MMEL1: variants seen among roughly 807,000 people sequenced by gnomAD.
MMEL1 encodes membrane metallo-endopeptidase-like 1.
MMEL1 carries 98 observed loss-of-function variants against 117.1 expected under a neutral mutation model. The ratio of observed to expected loss-of-function variants is 0.84; its 90% CI spans 0.71 to 0.99. The LOEUF is 0.99. Ranked by LOEUF, MMEL1 falls within the 50% of genes least tolerant of loss-of-function variation. The pLI, the probability that MMEL1 is intolerant of heterozygous loss-of-function variation, is 0.00. For synonymous variants in MMEL1, 390 were observed against 415.1 expected (o/e 0.94, Z 0.74); for missense variants, 1,014 against 1,049.1 (o/e 0.97, Z 0.46).
In MMEL1 at chr1:2,590,983, G is replaced by A. The variant is rs1409641752; in HGVS notation, c.*7C>T. 1 of 1,573,902 alleles carries A rather than the reference G, an allele frequency of 6.4e-7. No homozygotes were observed. Among genetic ancestry groups the A allele is most frequent in the African/African-American group, 1.4e-5 (1 of 73,920 alleles). On this transcript the variant is annotated 3_prime_UTR_variant, in exon 24 of 24. Transcript: ENST00000378412. ...GGCGTGGGCCGCACAGCGCGGCAGG[G>A]CCTTGGCTACCACACGCGGCATCGC...
Position 2,611,321 on chromosome 1 carries a change from C to T in MMEL1, c.252G>A (p.Glu84=), listed in dbSNP as rs1202457094. The part of the protein sequence containing the change: ...RKPRGIPEAQ[E]VSEVCTTPGC... ...CAGGGGTGGTGCAGACCTCGCTCAC[C>T]TCTTGGGCCTCTGGGATCCCTGCGG... The change falls in exon 4 of 24, where the codon GAG becomes GAA. Residue 84 remains glutamate (E), a synonymous_variant. Coordinates refer to ENST00000378412, the MANE Select transcript of MMEL1 (RefSeq NM_033467.4). The T allele has an allele frequency of 6.4e-7, 1 of 1,552,886 alleles. No homozygotes were observed. Among genetic ancestry groups the T allele is most frequent in the Non-Finnish European group, 8.7e-7 (1 of 1,151,070 alleles).
chr1:2,590,994 C>A lies in MMEL1; in HGVS notation c.2336G>T (p.Trp779Leu). ...PMHPKERCRVW is the reference protein window; with the variant it reads ...PMHPKERCRVL ...CACAGCGCGGCAGGGCCTTGGCTAC[C>A]ACACGCGGCATCGCTCCTTGGGGTG... Residue 779 changes from tryptophan to leucine, a missense_variant, in exon 24 of 24, where the codon TGG (tryptophan) becomes TTG (leucine). Trp to Leu is a moderately conservative substitution (Grantham distance 61, BLOSUM62 -2). Transcript: ENST00000378412. The A allele has an allele frequency of 6.3e-7, 1 of 1,586,756 alleles. No individual in the cohort carries two copies. The highest frequency in any genetic ancestry group is 1.2e-5 in the South Asian group (1 of 86,468).
At chr1:2,628,782 G>A (rs1003334089) in intron 2 of MMEL1, among the ~76,000 whole-genome samples, 5 of 152,146 alleles carry the variant, frequency 3.3e-5, no homozygotes, top group Non-Finnish European at 7.4e-5. Context: ...TTGTCTCCGT[G>A]GGACCCCAGA....
chr1:2,595,434 G>T lies in MMEL1; in HGVS notation c.1501-75C>A. On this transcript the variant is annotated intron_variant, in intron 15 of 23. Transcript: ENST00000378412. This position sits in a 1 kb window ranked among gnomAD's most constrained non-coding sequence, Gnocchi z 4.8. ...TCAGCCCGGGGGCCGGTCAGTGAGT[G>T]CCACACTGTGGGAGGGGTCAGCCCG... is the stretch of plus-strand genomic sequence containing the variant. 1 of 1,317,214 alleles carries T rather than the reference G, an allele frequency of 7.6e-7. No homozygotes were observed. The highest frequency in any genetic ancestry group is 1.1e-6 in the Non-Finnish European group (1 of 914,394). 81.6% of individuals were successfully genotyped at this position (1,317,214 alleles called of 1,614,324 possible).
intron 2 of MMEL1, among the ~76,000 whole-genome samples, chr1:2,624,687 G>A (rs1645342543): frequency 1.3e-5 from 2 of 152,140 alleles, no homozygotes; most frequent in African/African-American, 2.4e-5. Flanking sequence ...TAGCTCTTAC[G>A]TTCTTAACAG....
chr1:2,626,929 T>C (rs1216736911), intron 2 of MMEL1, among the ~76,000 whole-genome samples: 1 of 152,124 alleles, frequency 6.6e-6, no homozygotes, highest in African/African-American at 2.4e-5. Flanking sequence ...CTGGTAATTA[T>C]AAACCAACAA....
At position 2,594,801 on chromosome 1, in the gene MMEL1, C is replaced by T; in HGVS notation, c.1677G>A (p.Val559=). Residue 559 remains valine, a synonymous_variant, in exon 17 of 24, where the codon GTG becomes GTA. Coordinates refer to ENST00000378412, the MANE Select transcript of MMEL1 (RefSeq NM_033467.4). ...QRSLRKLREK[V]DPNLWIIGAA... ...GCGATGCCACTCACAGATTTGGGTC[C>T]ACCTTTTCCCGAAGCTTCCTGAGGC... The T allele has an allele frequency of 1.2e-6, 2 of 1,613,762 alleles. No individual in the cohort carries two copies. Among genetic ancestry groups the T allele is most frequent in the Non-Finnish European group, 8.5e-7 (1 of 1,179,880 alleles).
At chr1:2,593,736 G>A in intron 19 of MMEL1, 78 bp downstream of exon 19, 1 of 1,471,922 alleles carries the variant, frequency 6.8e-7, no homozygotes, top group Non-Finnish European at 9.0e-7. Flanking sequence ...GGGTTGAATG[G>A]AGCGCCCCCA....
Position 2,590,981 on chromosome 1 carries a change from G to T in MMEL1, c.*9C>A. The T allele has an allele frequency of 6.4e-7, 1 of 1,569,042 alleles. No homozygotes were observed. Among genetic ancestry groups the T allele is most frequent in the Non-Finnish European group, 8.6e-7 (1 of 1,158,776 alleles). ...TGGGCGTGGGCCGCACAGCGCGGCA[G>T]GGCCTTGGCTACCACACGCGGCATC... On this transcript the variant is annotated 3_prime_UTR_variant, in exon 24 of 24. Transcript: ENST00000378412.
At chr1:2,591,386 C>CT in intron 23 of MMEL1, 171 bp downstream of exon 23, 2 of 636,688 alleles carry the variant, frequency 3.1e-6, no homozygotes, top group Non-Finnish European at 2.8e-6. Context: ...TGCCCTTAGT[C>CT]TGTAAGAGAA....
rs1228307474 is a variant in MMEL1, at chr1:2,611,313, T to G, written c.260A>C (p.Glu87Ala). 1 of 1,565,852 alleles carries G rather than the reference T, an allele frequency of 6.4e-7. No individual in the cohort carries two copies. Among genetic ancestry groups the G allele is most frequent in the African/African-American group, 1.4e-5 (1 of 72,674 alleles). Reference sequence around the variant, plus strand: ...CACGCAGCCAGGGGTGGTGCAGACCTCGCTCACCTCTTGGGCCTCTGGGAT... The same window carrying G: ...CACGCAGCCAGGGGTGGTGCAGACCGCGCTCACCTCTTGGGCCTCTGGGAT... The part of the protein sequence containing the change: ...RGIPEAQEVS[E>A]VCTTPGCVIA... Residue 87 changes from glutamate to alanine, a missense_variant, in exon 4 of 24, where the codon GAG becomes GCG. Physicochemically the swap from Glu to Ala is moderately radical, Grantham distance 107 (BLOSUM62 -1). Transcript: ENST00000378412.
At chr1:2,609,521 C>T in intron 5 of MMEL1, 102 bp from the exon 6 acceptor site, 2 of 1,513,180 alleles carry the variant, frequency 1.3e-6, no homozygotes, top group Non-Finnish European at 1.8e-6. Flanking sequence ...GGCGGCCCCC[C>T]AGCTGCTGGG....
At position 2,606,321 on chromosome 1, in the gene MMEL1, T is replaced by C. The variant is rs1337703907; in HGVS notation, c.677A>G (p.Gln226Arg). Residue 226 changes from glutamine (Q) to arginine (R), a missense_variant, in exon 8 of 24, where the codon CAG (glutamine) becomes CGG (arginine). By Grantham distance (43) the Gln-to-Arg change is conservative. Transcript: ENST00000378412. ...GTCGATGAGGACGCGCCTGTTGAAC[T>C]GTGAGTTCATCAGCGCCAGCTGCCG... ...LERQLALMNS[Q>R]FNRRVLIDLF... 1.2e-6 allele frequency: 2 copies of C among 1,612,742 alleles called. No individual in the cohort carries two copies. Among genetic ancestry groups the C allele is most frequent in the Non-Finnish European group, 1.7e-6 (2 of 1,179,922 alleles).
intron 2 of MMEL1, among the ~76,000 whole-genome samples, chr1:2,619,193 TA>T (rs1178717773): frequency 6.6e-6 from 1 of 152,184 alleles, no homozygotes; most frequent in Non-Finnish European, 1.5e-5. Context: ...GGATGAAAGT[TA>T]CATGGACAGA....
intron 11 of MMEL1, among the ~76,000 whole-genome samples, chr1:2,603,371 C>A (rs1377288588): frequency 6.6e-6 from 1 of 152,164 alleles, no homozygotes; most frequent in Non-Finnish European, 1.5e-5. Context: ...GGACTTGCCC[C>A]TTCCCAGGCT....
In MMEL1 at chr1:2,611,385, T is replaced by TG. The variant is rs1645126233; in HGVS notation, c.233-46dup. ...TGAGCACCGGGAGCCACGGAGAGGGTGGGGCAGGACTGGAGTGGGTGTGGG... is the reference window on the plus strand; with the variant it reads ...TGAGCACCGGGAGCCACGGAGAGGGTGGGGGCAGGACTGGAGTGGGTGTGGG... On this transcript the variant is annotated intron_variant, in intron 3 of 23. Coordinates refer to ENST00000378412, the MANE Select transcript of MMEL1 (RefSeq NM_033467.4). 3 of 1,068,374 alleles carry TG rather than the reference T, an allele frequency of 2.8e-6. No homozygotes were observed. The South Asian group carries it at 6.4e-5, about 23-fold the overall frequency. The allele number at this position is 1,068,374 out of a possible 1,614,324, so 66.2% of individuals were successfully genotyped here.
Position 2,614,049 on chromosome 1 carries a change from C to G in MMEL1, c.155-1845G>C, listed in dbSNP as rs75117109. On this transcript the variant is annotated intron_variant, in intron 2 of 23. Transcript: ENST00000378412. ...AGGGAGTTTTGGGGGCAAAAAATGA[C>G]AAATAGTGAATGCATTTGGCAGGGC... Among the ~76,000 whole-genome samples the G allele has an allele frequency of 2.1e-3, 326 of 152,190 alleles. 1 individual carries two copies. The highest frequency in any genetic ancestry group is 7.5e-3 in the African/African-American group (313 of 41,538).
intron 5 of MMEL1, 110 bp from the exon 6 acceptor site, chr1:2,609,529 G>C: frequency 1.3e-6 from 2 of 1,511,588 alleles, no homozygotes; most frequent in Non-Finnish European, 1.8e-6. Flanking sequence ...CCCAGCTGCT[G>C]GGTCTTTATT....
intron 1 of MMEL1, among the ~76,000 whole-genome samples, chr1:2,630,687 G>A (rs547472867): frequency 8.3e-4 from 126 of 151,166 alleles, no homozygotes; most frequent in African/African-American, 2.7e-3. Context: ...ACGTGTGTGC[G>A]TGTACACTCG....
Sources: allele counts gnomAD v4.1 joint callset (sites outside exome capture counted in the v4.1 genomes callset), GRCh38; gene constraint gnomAD v4.1.1; non-coding constraint Gnocchi (gnomAD v3.1); transcripts MANE v1.5; gene names NCBI Gene and HGNC (gene_info 2026-07-23, HGNC 2026-07-21).